AVIL: variants seen among roughly 807,000 people sequenced by gnomAD.
AVIL encodes advillin.
A neutral mutation model predicts 109.9 loss-of-function variants in AVIL; 78 were observed. That is an observed-to-expected ratio of 0.71 (90% confidence interval 0.59 to 0.86). AVIL has a LOEUF of 0.86. Ranked by LOEUF, AVIL falls within the 40% of genes least tolerant of loss-of-function variation. The pLI, the probability that AVIL is intolerant of heterozygous loss-of-function variation, is 0.00. For synonymous variants in AVIL, 367 were observed against 379.1 expected (o/e 0.97, Z 0.37); for missense variants, 892 against 1,016.5 (o/e 0.88, Z 1.67).
chr12:57,808,385 G>T lies in AVIL; in HGVS notation c.1093+10C>A. 1 of 1,614,126 alleles carries T rather than the reference G, an allele frequency of 6.2e-7. No homozygotes were observed. Among genetic ancestry groups the T allele is most frequent in the Non-Finnish European group, 8.5e-7 (1 of 1,179,988 alleles). On this transcript the variant is annotated intron_variant, in intron 10 of 19. Transcript: ENST00000549994. Reference sequence around the variant, plus strand: ...TTAGCAATGAGAGGATGATCTGGGGGCAGTCTCACCAATTTTACCAATGCT... The same window carrying T: ...TTAGCAATGAGAGGATGATCTGGGGTCAGTCTCACCAATTTTACCAATGCT...
chr12:57,815,940 G>T (rs746692866), intron 2 of AVIL, 35 bp downstream of exon 2: 1 of 1,613,602 alleles, frequency 6.2e-7, no homozygotes, highest in Non-Finnish European at 8.5e-7. Flanking sequence ...CCAGATGCCA[G>T]TGGTCACAAG....
At chr12:57,801,093 G>T in intron 18 of AVIL, 51 bp downstream of exon 18, 2 of 1,484,970 alleles carry the variant, frequency 1.3e-6, no homozygotes, top group Non-Finnish European at 1.9e-6. Context: ...TGTGTTCTCT[G>T]GCTCTGGTTG....
intron 1 of AVIL, among the ~76,000 whole-genome samples, chr12:57,817,760 A>AG (rs1956115368): frequency 6.6e-6 from 1 of 152,206 alleles, no homozygotes; most frequent in Admixed American, 6.5e-5. Flanking sequence ...TCCCTGGGCC[A>AG]GGCACCCCGA....
chr12:57,806,319 G>T (rs1194925856), intron 14 of AVIL, 41 bp downstream of exon 14: 4 of 1,609,594 alleles, frequency 2.5e-6, no homozygotes, highest in South Asian at 1.1e-5. Context: ...GCAGGTCTGG[G>T]CTCCGAGGGG....
intron 4 of AVIL, among the ~76,000 whole-genome samples, chr12:57,812,987 C>T (rs1300338061): frequency 1.3e-5 from 2 of 152,204 alleles, no homozygotes; most frequent in African/African-American, 2.4e-5. Flanking sequence ...TGACTACTCT[C>T]CAGGATGCTG....
At chr12:57,810,326 T>C (rs1342552653) in intron 7 of AVIL, 23 bp downstream of exon 7, 1 of 1,613,164 alleles carries the variant, frequency 6.2e-7, no homozygotes, top group African/African-American at 1.3e-5. Flanking sequence ...AGCTTCCAGC[T>C]AAAACCAGGT....
At position 57,813,310 on chromosome 12, in the gene AVIL, G is replaced by T. The variant is rs751471028; in HGVS notation, c.255C>A (p.Tyr85Ter). Residue 85 changes from tyrosine (Y) to a stop codon, truncating the protein, a stop_gained, in exon 4 of 20, where the codon TAC becomes TAA. Transcript: ENST00000549994. LOFTEE classifies it high-confidence loss of function. ...AAIYTTQLDD[Y>*]LGGSPVQHRE... ...GGTGCTGCACAGGGCTGCCTCCCAGGTAGTCGTCCAGCTGTGTGGTATATA... is the reference window on the plus strand; with the variant it reads ...GGTGCTGCACAGGGCTGCCTCCCAGTTAGTCGTCCAGCTGTGTGGTATATA... The T allele has an allele frequency of 5.6e-6, 9 of 1,614,090 alleles. No homozygotes were observed. The highest frequency in any genetic ancestry group is 7.6e-6 in the Non-Finnish European group (9 of 1,180,010).
chr12:57,806,679 G>T (rs995159216), intron 13 of AVIL, 140 bp from the exon 14 acceptor site: 19 of 849,800 alleles, frequency 2.2e-5, no homozygotes, highest in South Asian at 5.4e-5. Context: ...AAGGGTCAGG[G>T]TAAGCTGGAG....
At chr12:57,803,706 C>A in intron 14 of AVIL, 37 bp from the exon 15 acceptor site, 1 of 1,601,324 alleles carries the variant, frequency 6.2e-7, no homozygotes, top group Non-Finnish European at 8.5e-7. Flanking sequence ...ATGTTAGTTG[C>A]ACAGGGGCAC....
intron 19 of AVIL, 25 bp from the exon 20 acceptor site, chr12:57,798,020 G>A (rs1157974905): frequency 6.5e-7 from 1 of 1,536,330 alleles, no homozygotes; most frequent in African/African-American, 1.4e-5. Flanking sequence ...AAAGTTTCTA[G>A]TTAGAAGGAA....
intron 1 of AVIL, among the ~76,000 whole-genome samples, chr12:57,818,102 G>A (rs183648554): frequency 1.0e-4 from 15 of 146,268 alleles, no homozygotes; most frequent in Admixed American, 5.6e-4. Context: ...CACTGCAACC[G>A]CCACCTCCTG....
intron 18 of AVIL, 54 bp from the exon 19 acceptor site, chr12:57,799,974 G>C: frequency 6.2e-7 from 1 of 1,603,432 alleles, no homozygotes; most frequent in Non-Finnish European, 8.5e-7. Context: ...TGTCTGTGTG[G>C]TTACAGTTCT....
At chr12:57,813,485 C>G (rs573212370) in intron 3 of AVIL, 62 bp from the exon 4 acceptor site, 1 of 1,515,320 alleles carries the variant, frequency 6.6e-7, no homozygotes, top group South Asian at 1.2e-5. Context: ...CTGCTGGCCC[C>G]TGTTATGGGG....
At position 57,806,397 on chromosome 12, in the gene AVIL, A is replaced by G. The variant is rs1451814961; in HGVS notation, c.1634T>C (p.Leu545Pro). Residue 545 changes from leucine to proline, a missense_variant, in exon 14 of 20, where the codon CTG (leucine) becomes CCG (proline). Physicochemically the swap from Leu to Pro is moderately conservative, Grantham distance 98. Transcript: ENST00000549994. ...SSLNSNDVFLLRTQAEHYLWY... is the reference protein window; with the variant it reads ...SSLNSNDVFLPRTQAEHYLWY... ...CAGGTAGTGCTCTGCCTGAGTTCGC[A>G]GCAGAAAGACATCATTGGAGTTTAG... 1.2e-6 allele frequency: 2 copies of G among 1,614,108 alleles called. No homozygotes were observed. The highest frequency in any genetic ancestry group is 1.1e-5 in the South Asian group (1 of 91,076).
At chr12:57,801,882 G>A (rs1955855545) in intron 17 of AVIL, among the ~76,000 whole-genome samples, 1 of 152,196 alleles carries the variant, frequency 6.6e-6, no homozygotes, top group African/African-American at 2.4e-5. Flanking sequence ...TATCAGGATT[G>A]TTGTAAAGAT....
At position 57,806,360 on chromosome 12, in the gene AVIL, C is replaced by G. The variant is rs779905314; in HGVS notation, c.1671G>C (p.Lys557Asn). Residue 557 changes from lysine (K) to asparagine (N), a missense_variant and splice_region_variant, in exon 14 of 20, where the codon AAG becomes AAC. Lys to Asn is a moderately conservative substitution (Grantham distance 94). Transcript: ENST00000549994. ...TQAEHYLWYG[K>N]GSSGDERAMA... ...CTGACCCGGGGCCCAGCCATCCTACCTTGCCATACCACAGGTAGTGCTCTG... is the reference window on the plus strand; with the variant it reads ...CTGACCCGGGGCCCAGCCATCCTACGTTGCCATACCACAGGTAGTGCTCTG... The G allele has an allele frequency of 9.3e-6, 15 of 1,613,952 alleles. No individual in the cohort carries two copies. The highest frequency in any genetic ancestry group is 1.3e-5 in the Non-Finnish European group (15 of 1,180,006).
Position 57,804,965 on chromosome 12 carries a change from A to G in AVIL, c.1672-1296T>C, listed in dbSNP as rs186410453. Among the ~76,000 whole-genome samples, 29 of 152,296 alleles carry G rather than the reference A, an allele frequency of 1.9e-4. No homozygotes were observed. The East Asian group carries it at 5.4e-3, about 28-fold the overall frequency. On this transcript the variant is annotated intron_variant, in intron 14 of 19. Transcript: ENST00000549994. ...TTTTTAACCATTCTAATAGATGTGTAGTGGTTATCTCATTGATTTTGATTT... is the reference window on the plus strand; with the variant it reads ...TTTTTAACCATTCTAATAGATGTGTGGTGGTTATCTCATTGATTTTGATTT...
rs890419020 is a variant in AVIL, at chr12:57,797,643, C to T, written c.*239G>A. On this transcript the variant is annotated 3_prime_UTR_variant, in exon 20 of 20. Transcript: ENST00000549994. The stretch of plus-strand genomic sequence containing the variant: ...ATTTATGCAGTTTTAGTGCTTTCTG[C>T]TGAGGCTTTAGCTAGAGGGCCACAA... 6 of 863,288 alleles carry T rather than the reference C, an allele frequency of 7.0e-6. No homozygotes were observed. Among genetic ancestry groups the T allele is most frequent in the Non-Finnish European group, 8.6e-6 (6 of 696,466 alleles). 53.5% of individuals were successfully genotyped at this position (863,288 alleles called of 1,614,324 possible).
intron 1 of AVIL, among the ~76,000 whole-genome samples, chr12:57,817,733 T>C (rs1403772870): frequency 6.6e-6 from 1 of 152,058 alleles, no homozygotes; most frequent in East Asian, 1.9e-4. Context: ...CCAGCAGGAA[T>C]TTAGGAATCA....
Sources: allele counts gnomAD v4.1 joint callset (sites outside exome capture counted in the v4.1 genomes callset), GRCh38; gene constraint gnomAD v4.1.1; transcripts MANE v1.5; gene names NCBI Gene and HGNC (gene_info 2026-07-23, HGNC 2026-07-21).